EDAR: variants seen among roughly 807,000 people sequenced by gnomAD.
The protein encoded by EDAR is ectodysplasin A receptor, also known as tumor necrosis factor receptor superfamily member EDAR.
In EDAR, 38 loss-of-function variants were observed where a neutral mutation model predicts 51.3. The ratio of observed to expected loss-of-function variants is 0.74; its 90% CI spans 0.57 to 0.97. The LOEUF (loss-of-function observed/expected upper bound fraction) is 0.97, where lower values mean the gene tolerates loss of function less well. Ranked by LOEUF, EDAR falls within the 50% of genes least tolerant of loss-of-function variation. The probability of loss-of-function intolerance (pLI) is 0.00; values close to 1 mark genes in which losing one functional copy is unlikely to be tolerated. For synonymous variants in EDAR, 227 were observed against 242.1 expected (o/e 0.94, Z 0.58); for missense variants, 528 against 595.0 (o/e 0.89, Z 1.17).
intron 1 of EDAR, among the ~76,000 whole-genome samples, chr2:108,944,813 A>T (rs929543995): frequency 6.6e-6 from 1 of 152,122 alleles, no homozygotes; most frequent in African/African-American, 2.4e-5. Context: ...TGAGCCAGAG[A>T]GCTGACCGCA....
chr2:108,959,745 C>T (rs1381882974), intron 1 of EDAR, among the ~76,000 whole-genome samples: 1 of 152,146 alleles, frequency 6.6e-6, no homozygotes, highest in Non-Finnish European at 1.5e-5. Context: ...CAAATGTCTA[C>T]AGGGGATTCA....
At chr2:108,908,543 G>A (rs930287167) in intron 9 of EDAR, among the ~76,000 whole-genome samples, 1 of 152,142 alleles carries the variant, frequency 6.6e-6, no homozygotes, top group African/African-American at 2.4e-5. Context: ...TGACCTGGCT[G>A]ACCTGTGTGC....
chr2:108,938,273 C>T (rs1258630210), intron 1 of EDAR, among the ~76,000 whole-genome samples: 2 of 152,228 alleles, frequency 1.3e-5, no homozygotes, highest in East Asian at 1.9e-4. Context: ...GTGCAGTAAA[C>T]AGTCGTGGCC....
chr2:108,909,882 C>A (rs1401991009), intron 9 of EDAR, among the ~76,000 whole-genome samples: 1 of 152,248 alleles, frequency 6.6e-6, no homozygotes, highest in East Asian at 1.9e-4. Context: ...CCCAGCCCTG[C>A]TGTTCACTAG....
chr2:108,899,033 C>T (rs1696653633), intron 11 of EDAR, among the ~76,000 whole-genome samples: 1 of 152,120 alleles, frequency 6.6e-6, no homozygotes, highest in African/African-American at 2.4e-5. Flanking sequence ...TTAGAACTCT[C>T]CAAATTTGTA....
At chr2:108,901,714 C>T (rs1210660652) in intron 11 of EDAR, among the ~76,000 whole-genome samples, 1 of 152,138 alleles carries the variant, frequency 6.6e-6, no homozygotes, top group East Asian at 1.9e-4. Flanking sequence ...TGAAAATAAA[C>T]AATTCCTCAA....
At chr2:108,918,082 C>T (rs934082927) in intron 5 of EDAR, among the ~76,000 whole-genome samples, 3 of 152,146 alleles carry the variant, frequency 2.0e-5, no homozygotes, top group Non-Finnish European at 4.4e-5. Context: ...TTGGGCAAAA[C>T]CCAGAATATT....
intron 9 of EDAR, among the ~76,000 whole-genome samples, 161 bp downstream of exon 9, chr2:108,910,299 C>T (rs761740849): frequency 6.6e-6 from 1 of 152,202 alleles, no homozygotes; most frequent in Admixed American, 6.5e-5. Context: ...CCACCTGACC[C>T]CTGCCAGTCA....
Position 108,910,532 on chromosome 2 carries a change from T to C in EDAR, c.731A>G (p.Asp244Gly). 1 of 1,613,102 alleles carries C rather than the reference T, an allele frequency of 6.2e-7. No homozygotes were observed. The highest frequency in any genetic ancestry group is 8.5e-7 in the Non-Finnish European group (1 of 1,179,278). The part of the protein sequence containing the change: ...SKDEEKKEAP[D>G]NVVMFSEKDE... ...CTTCTCGGAGAACATCACCACGTTG[T>C]CTGCAGGGAAATGGGGAGGTTGGGG... is the stretch of plus-strand genomic sequence containing the variant. The change falls in exon 9 of 12, where the codon GAC becomes GGC. Residue 244 changes from aspartate to glycine, a missense_variant and splice_region_variant. Physicochemically the swap from Asp to Gly is moderately conservative, Grantham distance 94 (BLOSUM62 -1). Transcript: ENST00000258443.
chr2:108,941,557 G>A (rs943910042), intron 1 of EDAR, among the ~76,000 whole-genome samples: 8 of 152,140 alleles, frequency 5.3e-5, no homozygotes, highest in African/African-American at 1.9e-4. Context: ...CAGCTCTGAG[G>A]GTCCTCTGCA....
intron 1 of EDAR, among the ~76,000 whole-genome samples, chr2:108,978,480 G>T (rs1251092571): frequency 6.6e-6 from 1 of 152,220 alleles, no homozygotes; most frequent in East Asian, 1.9e-4. Context: ...GTTTTGCAAC[G>T]TATTTCTAGA....
At chr2:108,930,515 G>T (rs1202494989) in intron 2 of EDAR, among the ~76,000 whole-genome samples, 1 of 152,114 alleles carries the variant, frequency 6.6e-6, no homozygotes. Context: ...CCTGCTCTGA[G>T]TTCTCCTCAT....
chr2:108,976,239 C>G (rs1477480065), intron 1 of EDAR, among the ~76,000 whole-genome samples: 1 of 152,180 alleles, frequency 6.6e-6, no homozygotes, highest in East Asian at 1.9e-4. Flanking sequence ...TTTGATGACT[C>G]AGAAGTTTTG....
chr2:108,936,606 G>A lies in EDAR; in HGVS notation c.-18-5574C>T, dbSNP rs181613821. 5.0e-3 allele frequency among the ~76,000 whole-genome samples: 753 copies of A among 152,100 alleles called. 2 individuals are homozygous for A. Among genetic ancestry groups the A allele is most frequent in the Non-Finnish European group, 8.6e-3 (583 of 67,970 alleles). ...ACCCAGCAGGATTCAGTACTCCCCCGCCTCCCTGAAGCCCCCACTTCCCAT... is the reference window on the plus strand; with the variant it reads ...ACCCAGCAGGATTCAGTACTCCCCCACCTCCCTGAAGCCCCCACTTCCCAT... On this transcript the variant is annotated intron_variant, in intron 1 of 11. Coordinates refer to ENST00000258443, the MANE Select transcript of EDAR (RefSeq NM_022336.4).
At chr2:108,939,697 A>T (rs1422436052) in intron 1 of EDAR, among the ~76,000 whole-genome samples, 1 of 152,236 alleles carries the variant, frequency 6.6e-6, no homozygotes, top group Non-Finnish European at 1.5e-5. Context: ...TATTTGCTTA[A>T]CTGCATTCTG....
Position 108,987,958 on chromosome 2 carries a change from T to C in EDAR, c.-19+1002A>G, listed in dbSNP as rs1574419925. Among the ~76,000 whole-genome samples the C allele has an allele frequency of 3.9e-5, 6 of 152,232 alleles. No homozygotes were observed. In the South Asian group the frequency reaches 6.2e-4, roughly 16 times the overall value. On this transcript the variant is annotated intron_variant, in intron 1 of 11. Transcript: ENST00000258443. The stretch of plus-strand genomic sequence containing the variant: ...ATCCCTTTTTTCCTTCAGTCTATTA[T>C]GGCTCTTCACTTCTTTGTTACACTT...
chr2:108,920,800 G>A (rs1697121500), intron 5 of EDAR, among the ~76,000 whole-genome samples: 1 of 152,224 alleles, frequency 6.6e-6, no homozygotes, highest in Non-Finnish European at 1.5e-5. Flanking sequence ...ACGCCCTGGG[G>A]CACTCATGAT....
intron 1 of EDAR, among the ~76,000 whole-genome samples, chr2:108,931,355 G>A (rs1051065359): frequency 4.6e-5 from 7 of 152,210 alleles, no homozygotes; most frequent in African/African-American, 1.7e-4. Context: ...CCTTACATGA[G>A]CTTTAAGTCT....
intron 1 of EDAR, among the ~76,000 whole-genome samples, chr2:108,946,768 C>A (rs572401055): frequency 6.6e-6 from 1 of 152,136 alleles, no homozygotes; most frequent in Admixed American, 6.5e-5. Flanking sequence ...TGGGGGAAAG[C>A]GCCCCATGAT....
Sources: allele counts gnomAD v4.1 joint callset (sites outside exome capture counted in the v4.1 genomes callset), GRCh38; gene constraint gnomAD v4.1.1; transcripts MANE v1.5; gene names NCBI Gene and HGNC (gene_info 2026-07-23, HGNC 2026-07-21).